Variants in NRCAM observed in about 807,000 individuals in gnomAD.
NRCAM encodes NgCAM-related cell adhesion molecule.
A neutral mutation model predicts 156.5 loss-of-function variants in NRCAM; 83 were observed. The observed-to-expected ratio is 0.53, with a 90% CI of 0.44 to 0.64. The LOEUF is 0.64. NRCAM is among the 30% of genes least tolerant of loss of function. The pLI is 0.00. For synonymous variants in NRCAM, 538 were observed against 563.9 expected (o/e 0.95, Z 0.65); for missense variants, 1,417 against 1,597.3 (o/e 0.89, Z 1.92).
chr7:108,165,223 T>A (rs1306460829), intron 30 of NRCAM, among the ~76,000 whole-genome samples: 1 of 152,144 alleles, frequency 6.6e-6, no homozygotes, highest in Non-Finnish European at 1.5e-5. Flanking sequence ...CCTGTGGACC[T>A]TTGTGACCCT....
At chr7:108,359,574 G>T (rs1487465416) in intron 2 of NRCAM, among the ~76,000 whole-genome samples, 1 of 152,114 alleles carries the variant, frequency 6.6e-6, no homozygotes, top group Non-Finnish European at 1.5e-5. Flanking sequence ...GGAACACAGG[G>T]CATAGAAGCG....
intron 2 of NRCAM, among the ~76,000 whole-genome samples, chr7:108,322,750 A>G (rs1163991338): frequency 1.3e-5 from 2 of 152,138 alleles, no homozygotes; most frequent in African/African-American, 4.8e-5. Flanking sequence ...AGGTTATGAA[A>G]CACTGATCTT....
intron 8 of NRCAM, among the ~76,000 whole-genome samples, chr7:108,228,130 T>C (rs940099739): frequency 1.3e-5 from 2 of 152,152 alleles, no homozygotes; most frequent in African/African-American, 4.8e-5. Context: ...AAGACCAGTC[T>C]GGCCAACATG....
At chr7:108,273,216 A>C (rs1055329636) in intron 3 of NRCAM, among the ~76,000 whole-genome samples, 1 of 152,176 alleles carries the variant, frequency 6.6e-6, no homozygotes, top group African/African-American at 2.4e-5. Context: ...AAAAGTGTAC[A>C]TGTGTCTTTA....
intron 24 of NRCAM, among the ~76,000 whole-genome samples, chr7:108,180,681 A>T (rs2062939550): frequency 6.6e-6 from 1 of 152,236 alleles, no homozygotes; most frequent in South Asian, 2.1e-4. Flanking sequence ...GGAAAATGAA[A>T]ACAGCACGAG....
rs184475659 is a variant in NRCAM at position 108,278,662 on chromosome 7, A to G, written c.-107+34003T>C. Among the ~76,000 whole-genome samples the G allele has an allele frequency of 5.0e-3, 758 of 152,294 alleles. 5 individuals are homozygous for G. Among genetic ancestry groups the G allele is most frequent in the Non-Finnish European group, 9.2e-3 (624 of 68,022 alleles). On this transcript the variant is annotated intron_variant, in intron 3 of 32. Transcript: ENST00000379028. ...ACCGTTCCTCCAGATACAGTCACTC[A>G]CAGCTTCCCTTGGCTAGGAAAGGGA...
intron 2 of NRCAM, among the ~76,000 whole-genome samples, chr7:108,337,264 G>GAA (rs36065099): frequency 3.0e-4 from 37 of 124,770 alleles, no homozygotes; most frequent in South Asian, 5.2e-4. Flanking sequence ...CTTCATCTCA[G>GAA]AAAAAAAAAA....
chr7:108,312,893 T>C (rs1314522228), intron 2 of NRCAM, among the ~76,000 whole-genome samples, 162 bp from the exon 3 acceptor site: 5 of 152,088 alleles, frequency 3.3e-5, no homozygotes, highest in Admixed American at 3.3e-4. Flanking sequence ...CCAAAACATA[T>C]CTCTGCTGGC....
At chr7:108,156,696 G>C (rs945708177) in intron 32 of NRCAM, 39 of 152,118 alleles carry the variant, frequency 2.6e-4, no homozygotes, top group Non-Finnish European at 1.5e-5. Context: ...CTAGGCAATA[G>C]TCCTAATTTT....
intron 28 of NRCAM, among the ~76,000 whole-genome samples, chr7:108,170,813 AACGAGTGTAGAATAGTGGTTGCC>A (rs1226295524): frequency 3.3e-5 from 5 of 152,060 alleles, no homozygotes; most frequent in Non-Finnish European, 7.4e-5. Flanking sequence ...GTACTTAGAG[AACGAGTGTAGAATAGTGGTTGCC>A]AGGGGCTAGA....
At chr7:108,236,300 A>C (rs746475327) in intron 5 of NRCAM, among the ~76,000 whole-genome samples, 12 of 152,208 alleles carry the variant, frequency 7.9e-5, no homozygotes, top group African/African-American at 2.9e-4. Context: ...TAAAGTACAA[A>C]TCAAAAGCTA....
chr7:108,317,333 G>A (rs1012939160), intron 2 of NRCAM, among the ~76,000 whole-genome samples: 3 of 152,186 alleles, frequency 2.0e-5, no homozygotes, highest in Non-Finnish European at 4.4e-5. Flanking sequence ...AATCTAGGAA[G>A]AAGATTTAAT....
At chr7:108,157,063 T>C (rs2045934317) in intron 32 of NRCAM, among the ~76,000 whole-genome samples, 1 of 152,122 alleles carries the variant, frequency 6.6e-6, no homozygotes, top group African/African-American at 2.4e-5. Context: ...TGATTTTGCT[T>C]GTGGGATTGT....
intron 3 of NRCAM, among the ~76,000 whole-genome samples, chr7:108,293,616 G>A (rs546291137): frequency 6.6e-6 from 1 of 152,094 alleles, no homozygotes; most frequent in South Asian, 2.1e-4. Flanking sequence ...CCTTATGATT[G>A]TCTCCTAAGC....
At chr7:108,386,741 T>TA (rs1288804388) in intron 2 of NRCAM, among the ~76,000 whole-genome samples, 1 of 152,184 alleles carries the variant, frequency 6.6e-6, no homozygotes, top group Non-Finnish European at 1.5e-5. Flanking sequence ...CACACAAAGA[T>TA]ACTATGAGAA....
intron 28 of NRCAM, among the ~76,000 whole-genome samples, chr7:108,173,421 A>C (rs1300886589): frequency 6.6e-6 from 1 of 152,228 alleles, no homozygotes; most frequent in Non-Finnish European, 1.5e-5. Flanking sequence ...ATAGTGGAGA[A>C]CTTCAATTTT....
At chr7:108,277,620 C>T (rs1051384202) in intron 3 of NRCAM, among the ~76,000 whole-genome samples, 1 of 152,040 alleles carries the variant, frequency 6.6e-6, no homozygotes, top group African/African-American at 2.4e-5. Flanking sequence ...ACTGGTTATT[C>T]TAGTTAGCCA....
chr7:108,244,564 T>A (rs969825717), intron 3 of NRCAM, among the ~76,000 whole-genome samples: 1 of 152,210 alleles, frequency 6.6e-6, no homozygotes, highest in Non-Finnish European at 1.5e-5. Flanking sequence ...CAATGACGAC[T>A]AATAATTAAC....
intron 1 of NRCAM, among the ~76,000 whole-genome samples, chr7:108,437,539 T>TAC (rs1833702153): frequency 2.0e-5 from 3 of 152,172 alleles, no homozygotes; most frequent in Admixed American, 2.0e-4. Context: ...ACATCTCATG[T>TAC]ACCTCATAAC....
Sources: allele counts gnomAD v4.1 joint callset (sites outside exome capture counted in the v4.1 genomes callset), GRCh38; gene constraint gnomAD v4.1.1; transcripts MANE v1.5; gene names NCBI Gene and HGNC (gene_info 2026-07-23, HGNC 2026-07-21).